The following DLX6 variants were observed in gnomAD, a reference collection of about 807,000 sequenced individuals.
The protein encoded by DLX6 is distal-less homeobox 6.
Under a neutral mutation model 33.5 loss-of-function variants are expected in DLX6, and 4 were observed. That is an observed-to-expected ratio of 0.12 (90% CI 0.06 to 0.27). The LOEUF (loss-of-function observed/expected upper bound fraction) is 0.27. Ranked by LOEUF, DLX6 falls within the 10% of genes least tolerant of loss-of-function variation. The pLI, the probability that DLX6 is intolerant of heterozygous loss-of-function variation, is 1.00. For synonymous variants in DLX6, 184 were observed against 164.8 expected (o/e 1.12, Z -0.89); for missense variants, 382 against 393.3 (o/e 0.97, Z 0.24).
chr7:97,006,043 G>A lies in DLX6; in HGVS notation c.66G>A (p.Met22Ile), dbSNP rs756059136. 1 of 1,594,892 alleles carries A rather than the reference G, an allele frequency of 6.3e-7. No homozygotes were observed. Among genetic ancestry groups the A allele is most frequent in the East Asian group, 2.3e-5 (1 of 43,898 alleles). ...EGQDSSKSAF[M>I]EFGQQQQQQQ... ...AGGACTCGTCCAAATCCGCCTTCAT[G>A]GAGTTCGGGCAGCAGCAGCAGCAGC... The change falls in exon 1 of 3, where the codon ATG becomes ATA. Residue 22 changes from methionine to isoleucine, a missense_variant. Physicochemically the swap from Met to Ile is conservative, Grantham distance 10 (BLOSUM62 1). Around this residue, in one of 4 missense-constraint regions of DLX6, gnomAD observed 257 missense variants for 206.9 expected, o/e 1.24. Coordinates refer to ENST00000518156, the MANE Select transcript of DLX6 (RefSeq NM_005222.4).
In DLX6 at chr7:97,010,183, A is replaced by T. The variant is rs368276391; in HGVS notation, c.*136A>T. 2.2e-5 allele frequency: 22 copies of T among 982,494 alleles called. No homozygotes were observed. In the African/African-American group the frequency reaches 3.6e-4, roughly 16 times the overall value. 60.9% of individuals were successfully genotyped at this position (982,494 alleles called of 1,614,324 possible). A position where few individuals can be genotyped will look rare whatever the true frequency, so the allele number is the denominator to read the frequency against. ...GTGTGGCAAGAAGCCGACTAGGCTC[A>T]TTCTCTCTCCCTCTCTCTCTCTCTC... On this transcript the variant is annotated 3_prime_UTR_variant, in exon 3 of 3. Coordinates refer to ENST00000518156, the MANE Select transcript of DLX6 (RefSeq NM_005222.4).
chr7:97,007,203 G>T, intron 1 of DLX6: 2 of 388,254 alleles, frequency 5.2e-6, no homozygotes, highest in Non-Finnish European at 9.3e-6. Flanking sequence ...TTGATGCACT[G>T]AGCTTGGAGC....
chr7:97,006,674 G>T (rs1048376287), intron 1 of DLX6: 1 of 173,988 alleles, frequency 5.7e-6, no homozygotes, highest in Non-Finnish European at 1.2e-5. Flanking sequence ...CGCAGGCTTC[G>T]TTCGACGAGT....
Position 97,009,891 on chromosome 7 carries a change from G to A in DLX6, c.726G>A (p.Ala242=), listed in dbSNP as rs766818524. 8 of 1,613,834 alleles carry A rather than the reference G, an allele frequency of 5.0e-6. No individual in the cohort carries two copies. Among genetic ancestry groups the A allele is most frequent in the South Asian group, 4.4e-5 (4 of 91,078 alleles). Residue 242 remains alanine, a synonymous_variant, in exon 3 of 3, where the codon GCG becomes GCA. Coordinates refer to ENST00000518156, the MANE Select transcript of DLX6 (RefSeq NM_005222.4). ...AGAGCGACCCCCTCCAGGGCTCGGC[G>A]GCCCTGTCGCCACGCTCGCCAGCGC... ...PHESDPLQGS[A]ALSPRSPALP...
chr7:97,007,828 A>G lies in DLX6; in HGVS notation c.627A>G (p.Thr209=), dbSNP rs1434453813. Residue 209 remains threonine, a synonymous_variant, in exon 2 of 3, where the codon ACA becomes ACG. Coordinates refer to ENST00000518156, the MANE Select transcript of DLX6 (RefSeq NM_005222.4). ...CAGCTTCCTTAGGACTGACACAAAC[A>G]CAGGTAATTCCCGAGAAGCCCAAGT... ...ELAASLGLTQ[T]QVKIWFQNKR... 1 of 1,591,010 alleles carries G rather than the reference A, an allele frequency of 6.3e-7. No individual in the cohort carries two copies. Among genetic ancestry groups the G allele is most frequent in the African/African-American group, 1.4e-5 (1 of 73,944 alleles).
At chr7:97,007,517 G>A in intron 1 of DLX6, 121 bp from the exon 2 acceptor site, 1 of 900,212 alleles carries the variant, frequency 1.1e-6, no homozygotes, top group Non-Finnish European at 1.8e-6. Flanking sequence ...GGGCATCATA[G>A]GGATTTTTCG....
rs1584154569 is a variant in DLX6, at chr7:97,006,093, A to C, written c.116A>C (p.Gln39Pro). ...QQQQQQQQQQ[Q>P]QQQQQPPPPP... ...CAGCAGCAACAGCAGCAGCAGCAGCAGCAGCAACAGCAACAGCCGCCGCCG... is the reference window on the plus strand; with the variant it reads ...CAGCAGCAACAGCAGCAGCAGCAGCCGCAGCAACAGCAACAGCCGCCGCCG... Residue 39 changes from glutamine to proline, a missense_variant, in exon 1 of 3, where the codon CAG (glutamine) becomes CCG (proline). By Grantham distance (76) the Gln-to-Pro change is moderately conservative (BLOSUM62 -1). This residue lies in a region of DLX6 where 257 missense variants were observed against 206.9 expected (regional missense o/e 1.24). Transcript: ENST00000518156. 1 of 1,556,452 alleles carries C rather than the reference A, an allele frequency of 6.4e-7. No homozygotes were observed. Among genetic ancestry groups the C allele is most frequent in the East Asian group, 2.4e-5 (1 of 41,294 alleles).
In DLX6 at chr7:97,007,519, G is replaced by T. The variant is rs1406980348; in HGVS notation, c.437-119G>T. The T allele has an allele frequency of 5.4e-6, 5 of 923,102 alleles. No individual in the cohort carries two copies. In the African/African-American group the frequency reaches 6.6e-5, roughly 12 times the overall value. The allele number at this position is 923,102 out of a possible 1,614,324, so 57.2% of individuals were successfully genotyped here. On this transcript the variant is annotated intron_variant, in intron 1 of 2. Transcript: ENST00000518156. ...CCAAGAGAGGTCGGGGCATCATAGG[G>T]ATTTTTCGAGGTAACCCTTATTGGG...
chr7:97,009,909 G>A lies in DLX6; in HGVS notation c.744G>A (p.Ser248=), dbSNP rs778760066. 15 of 1,613,818 alleles carry A rather than the reference G, an allele frequency of 9.3e-6. No homozygotes were observed. The highest frequency in any genetic ancestry group is 6.7e-5 in the East Asian group (3 of 44,880). ...LQGSAALSPR[S]PALPPVWDVS... is the part of the protein sequence containing the mutation. ...GCTCGGCGGCCCTGTCGCCACGCTC[G>A]CCAGCGCTGCCTCCAGTCTGGGACG... The change falls in exon 3 of 3, where the codon TCG becomes TCA. Residue 248 remains serine, a synonymous_variant. Transcript: ENST00000518156.
rs746036175 is a variant in DLX6 at position 97,006,232 on chromosome 7, GCACCACCACCACCAC to G, written c.261_275del (p.His87_His91del). 1.3e-6 allele frequency: 2 copies of G among 1,512,504 alleles called. No homozygotes were observed. Among genetic ancestry groups the G allele is most frequent in the Non-Finnish European group, 1.8e-6 (2 of 1,127,208 alleles). The allele number at this position is 1,512,504 out of a possible 1,614,324, so 93.7% of individuals were successfully genotyped here. Reference sequence around the variant, plus strand: ...CGGCGGCGGCGGCAGCGGCCGGCTCGCACCACCACCACCACCACCAGCACCACCACCACGGCTCGC... The same window carrying G: ...CGGCGGCGGCGGCAGCGGCCGGCTCGCACCAGCACCACCACCACGGCTCGC... On this transcript the variant is annotated inframe_deletion, in exon 1 of 3. Transcript: ENST00000518156.
chr7:97,010,747 A>G lies in DLX6; in HGVS notation c.*700A>G, dbSNP rs1789828241. 1 of 152,610 alleles carries G rather than the reference A, an allele frequency of 6.6e-6. No individual in the cohort carries two copies. The allele number at this position is 152,610 out of a possible 1,614,324, so 9.5% of individuals were successfully genotyped here. A position where few individuals can be genotyped will look rare whatever the true frequency, so the allele number is the denominator to read the frequency against. Reference sequence around the variant, plus strand: ...AAAGGGAATGCTGCATGTTTTATCAAAATGCAATGACCAGGAATGATGGTT... The same window carrying G: ...AAAGGGAATGCTGCATGTTTTATCAGAATGCAATGACCAGGAATGATGGTT... On this transcript the variant is annotated 3_prime_UTR_variant, in exon 3 of 3. Transcript: ENST00000518156.
At position 97,010,289 on chromosome 7, in the gene DLX6, C is replaced by T. The variant is rs934262812; in HGVS notation, c.*242C>T. On this transcript the variant is annotated 3_prime_UTR_variant, in exon 3 of 3. Transcript: ENST00000518156. ...CTTTCTACCTTTCTTTTCTTTTTGCCTTTCACCTTTTTTCTCATTTACCTT... is the reference window on the plus strand; with the variant it reads ...CTTTCTACCTTTCTTTTCTTTTTGCTTTTCACCTTTTTTCTCATTTACCTT... 2.1e-5 allele frequency: 10 copies of T among 486,528 alleles called. No individual in the cohort carries two copies. The highest frequency in any genetic ancestry group is 3.2e-5 in the Non-Finnish European group (9 of 279,614). 30.1% of individuals were successfully genotyped at this position (486,528 alleles called of 1,614,324 possible). A position where few individuals can be genotyped will look rare whatever the true frequency, so the allele number is the denominator to read the frequency against.
rs924136972 is a variant in DLX6 at position 97,009,683 on chromosome 7, T to G, written c.631-113T>G. 2.0e-5 allele frequency: 30 copies of G among 1,472,830 alleles called. No homozygotes were observed. The East Asian group carries it at 3.0e-4, about 15-fold the overall frequency. 91.2% of individuals were successfully genotyped at this position (1,472,830 alleles called of 1,614,324 possible). On this transcript the variant is annotated intron_variant, in intron 2 of 2. Transcript: ENST00000518156. ...TTGGCTTGTAGGCGTTGGCGGTGGT[T>G]GTTTTTTGTTTTTTGTTTTTTTGCT...
chr7:97,006,495 C>G, intron 1 of DLX6, 82 bp downstream of exon 1: 18 of 1,229,402 alleles, frequency 1.5e-5, no homozygotes, highest in Non-Finnish European at 1.7e-5. Flanking sequence ...CCTCGACGCC[C>G]GGGCCTCCGC....
Position 97,011,021 on chromosome 7 carries a change from T to C in DLX6, c.*974T>C, listed in dbSNP as rs1306835587. The C allele has an allele frequency of 6.6e-6, 1 of 152,572 alleles. No individual in the cohort carries two copies. The highest frequency in any genetic ancestry group is 1.9e-4 in the East Asian group (1 of 5,194). 9.5% of individuals were successfully genotyped at this position (152,572 alleles called of 1,614,324 possible). On this transcript the variant is annotated 3_prime_UTR_variant, in exon 3 of 3. Coordinates refer to ENST00000518156, the MANE Select transcript of DLX6 (RefSeq NM_005222.4). ...TTTTTGTCTTCTTTCATATATGGAG[T>C]AAAAGCCACAAAACGCTGAGTGTCT...
chr7:97,006,475 C>CCGCT (rs1406565028), intron 1 of DLX6, 62 bp downstream of exon 1: 191 of 1,245,420 alleles, frequency 1.5e-4, no homozygotes, highest in Admixed American at 3.3e-4. Context: ...CCCCGCCCGC[C>CCGCT]CGCTCACTTC....
At chr7:97,006,482 C>T in intron 1 of DLX6, 69 bp downstream of exon 1, 1 of 1,239,384 alleles carries the variant, frequency 8.1e-7, no homozygotes, top group Non-Finnish European at 1.0e-6. Flanking sequence ...CGCCCGCTCA[C>T]TTCCTCGACG....
intron 2 of DLX6, among the ~76,000 whole-genome samples, chr7:97,009,058 A>G (rs938845914): frequency 2.0e-5 from 3 of 152,170 alleles, no homozygotes; most frequent in Non-Finnish European, 2.9e-5. Flanking sequence ...TTGACTTTTA[A>G]TTACTATACT....
intron 2 of DLX6, among the ~76,000 whole-genome samples, chr7:97,008,471 G>A (rs1364514325): frequency 6.6e-6 from 1 of 152,214 alleles, no homozygotes; most frequent in Non-Finnish European, 1.5e-5. Context: ...TGCAGTGGCA[G>A]AGTTGGAGAT....
Sources: gnomAD v4.1 joint callset for allele counts (sites outside exome capture counted in the v4.1 genomes callset) on GRCh38, gnomAD v4.1.1 for gene constraint, gnomAD v4.1.1 regional missense constraint, MANE v1.5 for transcripts, NCBI Gene and HGNC (gene_info 2026-07-23, HGNC 2026-07-21) for gene names.